The following NFIC variants were observed in gnomAD, a reference collection of about 807,000 sequenced individuals.
NFIC encodes nuclear factor 1 C-type.
In NFIC, 12 loss-of-function variants were observed where a neutral mutation model predicts 54.4. The ratio of observed to expected loss-of-function variants is 0.22; its 90% CI spans 0.14 to 0.36. NFIC has a LOEUF of 0.36. Ranked by LOEUF, NFIC falls within the 10% of genes least tolerant of loss-of-function variation. The pLI is 1.00. For missense variants in NFIC, 575 were observed against 718.2 expected, an observed-to-expected ratio of 0.80 and a Z score of 2.28; for synonymous variants, 322 against 319.2, an observed-to-expected ratio of 1.01 and a Z score of -0.09.
intron 2 of NFIC, among the ~76,000 whole-genome samples, chr19:3,397,188 A>G (rs529435477): frequency 1.3e-5 from 2 of 152,128 alleles, no homozygotes; most frequent in Non-Finnish European, 2.9e-5. Context: ...ACAGCATTTA[A>G]CAGATGGGGA....
chr19:3,362,471 G>C (rs543841987), upstream of NFIC, among the ~76,000 whole-genome samples: 18 of 151,936 alleles, frequency 1.2e-4, no homozygotes, highest in African/African-American at 4.4e-4. Flanking sequence ...GGTCAGGTGT[G>C]GGGGGAAGGC....
chr19:3,455,934 A>T (rs111812096), intron 9 of NFIC, among the ~76,000 whole-genome samples: 12 of 150,934 alleles, frequency 8.0e-5, no homozygotes, highest in African/African-American at 2.9e-4. Flanking sequence ...GCTCCCCCCA[A>T]CCCCAGCCAG....
At position 3,433,496 on chromosome 19, in the gene NFIC, C is replaced by T. The variant is rs369636530; in HGVS notation, c.635-22C>T. ...AAACAGGCCCAGCTCAGCCTACTGA[C>T]CCCGCTGTCTTCCTGTTCCAGACAC... On this transcript the variant is annotated intron_variant, in intron 3 of 10. Coordinates refer to ENST00000443272, the MANE Select transcript of NFIC (RefSeq NM_001245002.2). 2.0e-5 allele frequency: 33 copies of T among 1,612,866 alleles called. 1 individual carries two copies. In the African/African-American group the frequency reaches 2.7e-4, roughly 13 times the overall value.
chr19:3,379,669 C>A (rs867212321), intron 1 of NFIC, among the ~76,000 whole-genome samples: 3,998 of 99,518 alleles, frequency 0.04, 66 homozygotes, highest in Middle Eastern at 0.084. Flanking sequence ...TTTTTTATTT[C>A]TTTCTTTTTT....
chr19:3,385,097 C>T (rs1430159099), intron 2 of NFIC, among the ~76,000 whole-genome samples: 2 of 141,518 alleles, frequency 1.4e-5, no homozygotes, highest in Non-Finnish European at 3.0e-5. Context: ...GTGAAGGCTG[C>T]ACCCTCCCTT....
intron 10 of NFIC, 136 bp downstream of exon 10, chr19:3,456,771 C>T: frequency 1.2e-6 from 1 of 861,436 alleles, no homozygotes; most frequent in South Asian, 1.5e-5. Flanking sequence ...CCACACCCCA[C>T]CTGGGCCTCG....
chr19:3,371,017 G>A (rs1306953022), intron 1 of NFIC, among the ~76,000 whole-genome samples: 1 of 152,180 alleles, frequency 6.6e-6, no homozygotes, highest in Non-Finnish European at 1.5e-5. Flanking sequence ...TGCCTGCCTC[G>A]GATCTGCCTT....
intron 10 of NFIC, among the ~76,000 whole-genome samples, chr19:3,457,626 T>A (rs1348743464): frequency 2.0e-5 from 3 of 152,098 alleles, no homozygotes; most frequent in Non-Finnish European, 4.4e-5. Flanking sequence ...AGAAACGAGC[T>A]CTGGGCTACC....
intron 3 of NFIC, among the ~76,000 whole-genome samples, chr19:3,427,173 G>C (rs924488993): frequency 6.6e-6 from 1 of 151,980 alleles, no homozygotes; most frequent in Admixed American, 6.6e-5. Context: ...TGATGCACCC[G>C]CCTCGGCCTC....
intron 7 of NFIC, among the ~76,000 whole-genome samples, chr19:3,451,937 C>T (rs1382835013): frequency 2.6e-5 from 4 of 151,658 alleles, no homozygotes; most frequent in African/African-American, 9.7e-5. Flanking sequence ...GCCAACATGG[C>T]GAAACCCCAT....
At position 3,456,692 on chromosome 19, in the gene NFIC, C is replaced by G. The variant is rs1211520255; in HGVS notation, c.1509+57C>G. On this transcript the variant is annotated intron_variant, in intron 10 of 10. Transcript: ENST00000443272. ...GAGGGGCAGGGCAGAGGGGCCGGCC[C>G]GGGGGGCTCAGGGCGAAGAGGGCCT... is the stretch of plus-strand genomic sequence containing the variant. 7.5e-6 allele frequency: 10 copies of G among 1,341,588 alleles called. No individual in the cohort carries two copies. In the South Asian group the frequency reaches 1.0e-4, roughly 14 times the overall value. 83.1% of individuals were successfully genotyped at this position (1,341,588 alleles called of 1,614,324 possible).
At chr19:3,361,804 T>C (rs925050357), upstream of NFIC, among the ~76,000 whole-genome samples, 1 of 152,062 alleles carries the variant, frequency 6.6e-6, no homozygotes, top group Non-Finnish European at 1.5e-5. Flanking sequence ...GTCCCCATTT[T>C]GGGTTCTGTG....
chr19:3,363,704 G>T (rs1439482713), upstream of NFIC, among the ~76,000 whole-genome samples: 2 of 152,210 alleles, frequency 1.3e-5, no homozygotes, highest in Non-Finnish European at 2.9e-5. Context: ...TGGGTCTACA[G>T]CAGTGGGGTC....
At chr19:3,366,547 T>TGGGGGGGGG (rs1297245047), upstream of NFIC, 37 of 353,468 alleles carry the variant, frequency 1.0e-4, no homozygotes, top group South Asian at 5.2e-4. Flanking sequence ...GGGGGGGGGT[T>TGGGGGGGGG]GGGGGGGGCG....
intron 6 of NFIC, among the ~76,000 whole-genome samples, chr19:3,445,554 C>T (rs766670011): frequency 1.4e-4 from 21 of 152,192 alleles, no homozygotes; most frequent in Non-Finnish European, 2.8e-4. Context: ...AACTGCTGAC[C>T]TGCTTCTGGG....
At chr19:3,432,976 G>A (rs1272994716) in intron 3 of NFIC, among the ~76,000 whole-genome samples, 1 of 149,012 alleles carries the variant, frequency 6.7e-6, no homozygotes, top group Non-Finnish European at 1.5e-5. Context: ...GGCTCCACTC[G>A]TTTTTTAAGA....
intron 2 of NFIC, among the ~76,000 whole-genome samples, chr19:3,404,090 C>T (rs914789082): frequency 6.6e-6 from 1 of 151,768 alleles, no homozygotes; most frequent in Non-Finnish European, 1.5e-5. Flanking sequence ...TGCGTTCAGC[C>T]CGTGGGCACA....
intron 6 of NFIC, among the ~76,000 whole-genome samples, chr19:3,438,628 G>T (rs970282291): frequency 2.0e-5 from 3 of 151,806 alleles, no homozygotes; most frequent in Non-Finnish European, 4.4e-5. Flanking sequence ...CAGTAGAGAC[G>T]GGGTTTCACC....
intron 2 of NFIC, chr19:3,410,673 T>C (rs1209404009): frequency 2.6e-5 from 4 of 152,320 alleles, no homozygotes; most frequent in Admixed American, 6.5e-5. Context: ...GTAATGTTCA[T>C]TTAACTCCTG....
Sources: allele counts gnomAD v4.1 joint callset (sites outside exome capture counted in the v4.1 genomes callset), GRCh38; gene constraint gnomAD v4.1.1; transcripts MANE v1.5; gene names NCBI Gene and HGNC (gene_info 2026-07-23, HGNC 2026-07-21).